The following RIMS1 variants were observed in gnomAD, a reference collection of about 807,000 sequenced individuals.
RIMS1 encodes regulating synaptic membrane exocytosis 1, also known as regulating synaptic membrane exocytosis protein 1.
In RIMS1, 83 loss-of-function variants were observed where a neutral mutation model predicts 214.1. That is an observed-to-expected ratio of 0.39 (90% CI 0.32 to 0.47). The LOEUF (loss-of-function observed/expected upper bound fraction) is 0.47, where lower values mean the gene tolerates loss of function less well. Among genes scored for constraint, RIMS1 ranks in the 20% least tolerant of loss-of-function variants. RIMS1 has a pLI of 0.99. For missense variants in RIMS1, 2,050 were observed against 2,161.8 expected, an observed-to-expected ratio of 0.95 and a Z score of 1.03; for synonymous variants, 793 against 786.8, an observed-to-expected ratio of 1.01 and a Z score of -0.13.
chr6:72,090,763 G>A (rs556348865), intron 2 of RIMS1, among the ~76,000 whole-genome samples: 1 of 152,292 alleles, frequency 6.6e-6, no homozygotes, highest in East Asian at 1.9e-4. Context: ...GTCAAGAACT[G>A]TGAATTTATG....
intron 2 of RIMS1, among the ~76,000 whole-genome samples, chr6:72,036,285 T>C (rs1819585559): frequency 6.6e-6 from 1 of 152,128 alleles, no homozygotes; most frequent in Non-Finnish European, 1.5e-5. Flanking sequence ...TAAGGAGAAG[T>C]GAAATATAAT....
At chr6:72,292,754 A>T (rs1296175910) in intron 26 of RIMS1, among the ~76,000 whole-genome samples, 1 of 152,116 alleles carries the variant, frequency 6.6e-6, no homozygotes, top group African/African-American at 2.4e-5. Context: ...ATGACTTGTT[A>T]TCATTATTTT....
chr6:72,060,110 GATTATTATT>G (rs534525714), intron 2 of RIMS1, among the ~76,000 whole-genome samples: 1 of 150,530 alleles, frequency 6.6e-6, no homozygotes, highest in South Asian at 2.1e-4. Flanking sequence ...AGCTAATTTT[GATTATTATT>G]ATTATTATTA....
intron 29 of RIMS1, among the ~76,000 whole-genome samples, chr6:72,345,847 A>G (rs1413009805): frequency 6.6e-6 from 1 of 151,694 alleles, no homozygotes; most frequent in Non-Finnish European, 1.5e-5. Flanking sequence ...TGATGTTACC[A>G]TTTACTAAGA....
At chr6:72,027,587 A>AG (rs1469756425) in intron 2 of RIMS1, among the ~76,000 whole-genome samples, 1 of 152,122 alleles carries the variant, frequency 6.6e-6, no homozygotes, top group Non-Finnish European at 1.5e-5. Flanking sequence ...AATGAACTAA[A>AG]GGAATACTCT....
intron 19 of RIMS1, chr6:72,261,275 C>G (rs908462156): frequency 3.0e-5 from 30 of 999,028 alleles, no homozygotes; most frequent in Non-Finnish European, 3.6e-5. Flanking sequence ...TGAGCTTCAG[C>G]TTCTTTCTTG....
chr6:72,103,615 A>G (rs2034118686), intron 4 of RIMS1, among the ~76,000 whole-genome samples: 1 of 152,170 alleles, frequency 6.6e-6, no homozygotes, highest in Admixed American at 6.6e-5. Context: ...GTTAAGGACT[A>G]TGGACAAAAT....
At chr6:72,235,136 T>A (rs2063511492) in intron 7 of RIMS1, among the ~76,000 whole-genome samples, 2 of 152,062 alleles carry the variant, frequency 1.3e-5, no homozygotes, top group South Asian at 4.1e-4. Context: ...TCAGTACCTA[T>A]AATGTATAGT....
intron 7 of RIMS1, among the ~76,000 whole-genome samples, 190 bp downstream of exon 7, chr6:72,234,030 A>G (rs903129835): frequency 1.3e-5 from 2 of 152,180 alleles, no homozygotes; most frequent in Middle Eastern, 3.4e-3. Flanking sequence ...AATTAAGTAA[A>G]AAACAATTAT....
chr6:72,271,558 G>A (rs1194433195), intron 22 of RIMS1, among the ~76,000 whole-genome samples: 1 of 151,874 alleles, frequency 6.6e-6, no homozygotes, highest in African/African-American at 2.4e-5. Context: ...TCTGCCAAGA[G>A]ATATGCACCA....
intron 2 of RIMS1, among the ~76,000 whole-genome samples, chr6:71,992,289 A>ATT (rs960729681): frequency 8.5e-5 from 13 of 152,136 alleles, no homozygotes; most frequent in African/African-American, 3.1e-4. Context: ...CAGTGGAATC[A>ATT]TTGGTGCCAA....
intron 29 of RIMS1, among the ~76,000 whole-genome samples, chr6:72,376,013 CT>C (rs1273841130): frequency 6.6e-6 from 1 of 152,140 alleles, no homozygotes; most frequent in Non-Finnish European, 1.5e-5. Context: ...TCTGAATTTA[CT>C]TTTTCATGAA....
intron 4 of RIMS1, among the ~76,000 whole-genome samples, chr6:72,131,327 T>C (rs2040396066): frequency 6.6e-6 from 1 of 152,164 alleles, no homozygotes; most frequent in Admixed American, 6.5e-5. Context: ...ATAAAGTTAA[T>C]ATCAGGGAAA....
chr6:72,097,257 A>G lies in RIMS1; in HGVS notation c.459+95A>G, dbSNP rs1208851789. 4 of 1,078,764 alleles carry G rather than the reference A, an allele frequency of 3.7e-6. No individual in the cohort carries two copies. In the East Asian group the frequency reaches 7.3e-5, roughly 20 times the overall value. The allele number at this position is 1,078,764 out of a possible 1,614,324, so 66.8% of individuals were successfully genotyped here. On this transcript the variant is annotated intron_variant, in intron 3 of 33. Coordinates refer to ENST00000521978, the MANE Select transcript of RIMS1 (RefSeq NM_014989.7). ...AACACGTGCATCTTAGAAAGCAGAC[A>G]TGTGCATAAACATACACGTTAAAAT...
intron 29 of RIMS1, among the ~76,000 whole-genome samples, chr6:72,338,091 T>G (rs1392304903): frequency 2.0e-5 from 3 of 151,804 alleles, no homozygotes; most frequent in Non-Finnish European, 4.4e-5. Context: ...TTTATAGTCC[T>G]TTGGGTATAT....
chr6:72,112,229 C>A (rs1287456684), intron 4 of RIMS1, among the ~76,000 whole-genome samples: 4 of 152,032 alleles, frequency 2.6e-5, no homozygotes, highest in Non-Finnish European at 5.9e-5. Flanking sequence ...CTCTTCTTAC[C>A]ACCTCCACTT....
At chr6:72,345,711 C>T (rs2097241852) in intron 29 of RIMS1, among the ~76,000 whole-genome samples, 1 of 151,500 alleles carries the variant, frequency 6.6e-6, no homozygotes, top group Non-Finnish European at 1.5e-5. Context: ...CTTAGTACAC[C>T]ATCACGGGAT....
intron 23 of RIMS1, among the ~76,000 whole-genome samples, chr6:72,278,195 C>CTATG (rs1554419355): frequency 4.9e-4 from 73 of 149,640 alleles, no homozygotes; most frequent in Non-Finnish European, 9.9e-4. Context: ...ATCTATCTAT[C>CTATG]TATATATGAT....
intron 24 of RIMS1, among the ~76,000 whole-genome samples, chr6:72,288,236 A>T (rs2092726930): frequency 6.6e-6 from 1 of 152,164 alleles, no homozygotes; most frequent in African/African-American, 2.4e-5. Flanking sequence ...AAAATAAAAT[A>T]AAATAAATAA....
Sources: allele counts gnomAD v4.1 joint callset (sites outside exome capture counted in the v4.1 genomes callset), GRCh38; gene constraint gnomAD v4.1.1; transcripts MANE v1.5; gene names NCBI Gene and HGNC (gene_info 2026-07-23, HGNC 2026-07-21).